The following AHNAK2 variants were observed in gnomAD, a reference collection of about 807,000 sequenced individuals.
AHNAK2 encodes the protein AHNAK nucleoprotein 2.
A neutral mutation model predicts 30.7 loss-of-function variants in AHNAK2; 18 were observed. The ratio of observed to expected loss-of-function variants is 0.59; its 90% CI spans 0.41 to 0.87. The LOEUF (loss-of-function observed/expected upper bound fraction) is 0.87, where lower values mean the gene tolerates loss of function less well. Among genes scored for constraint, AHNAK2 ranks in the 40% least tolerant of loss-of-function variants. The pLI is 0.00. For synonymous variants in AHNAK2, 3,590 were observed against 3,073.8 expected (o/e 1.17, Z -5.56); for missense variants, 8,604 against 7,373.0 (o/e 1.17, Z -6.11).
chr14:104,973,674 G>A (rs1015688203), intron 1 of AHNAK2, among the ~76,000 whole-genome samples: 12 of 152,198 alleles, frequency 7.9e-5, no homozygotes, highest in Admixed American at 2.6e-4. Context: ...GCAGCGTCCA[G>A]GCAGGGGTGT....
Position 104,951,973 on chromosome 14 carries a change from C to A in AHNAK2, c.3478G>T (p.Asp1160Tyr), listed in dbSNP as rs1246389240. 1.2e-6 allele frequency: 2 copies of A among 1,612,252 alleles called. No individual in the cohort carries two copies. The highest frequency in any genetic ancestry group is 2.7e-5 in the African/African-American group (2 of 74,214). The change falls in exon 7 of 7, where the codon GAC becomes TAC. Residue 1160 changes from aspartate to tyrosine, a missense_variant. Asp to Tyr is a radical substitution (Grantham distance 160). Coordinates refer to ENST00000333244, the MANE Select transcript of AHNAK2 (RefSeq NM_138420.4). ...SLADKDVTAK[D>Y]SRFKMPKFKM... ...AACTTGGGCATTTTGAACCTGCTGT[C>A]TTTGGCAGTCACATCCTTGTCGGCC...
In AHNAK2 at chr14:104,941,338, TAAA is replaced by T; in HGVS notation, c.14110_14112del (p.Phe4704del). On this transcript the variant is annotated inframe_deletion, in exon 7 of 7. Coordinates refer to ENST00000333244, the MANE Select transcript of AHNAK2 (RefSeq NM_138420.4). ...GAAGAAAATGAAACTTTGGGCACTTTAAAATGCAGTTTCTTAAACTTCGAATCC... is the reference window on the plus strand; with the variant it reads ...GAAGAAAATGAAACTTTGGGCACTTTATGCAGTTTCTTAAACTTCGAATCC... 1 of 1,613,580 alleles carries T rather than the reference TAAA, an allele frequency of 6.2e-7. No individual in the cohort carries two copies. Among genetic ancestry groups the T allele is most frequent in the African/African-American group, 1.3e-5 (1 of 75,050 alleles).
At chr14:104,956,779 C>CTGAAGGGAGGGCT in intron 3 of AHNAK2, 90 bp from the exon 4 acceptor site, 1 of 1,254,664 alleles carries the variant, frequency 8.0e-7, no homozygotes, top group Non-Finnish European at 1.2e-6. Flanking sequence ...CAGGAGCCCT[C>CTGAAGGGAGGGCT]CCTTCAGAGG....
At chr14:104,977,610 C>G (rs1165817968) in intron 1 of AHNAK2, among the ~76,000 whole-genome samples, 1 of 152,178 alleles carries the variant, frequency 6.6e-6, no homozygotes, top group Admixed American at 6.5e-5. Context: ...CACAGCCACA[C>G]AGTAGACGCA....
chr14:104,942,619 C>G lies in AHNAK2; in HGVS notation c.12832G>C (p.Val4278Leu), dbSNP rs576687918. The stretch of plus-strand genomic sequence containing the variant: ...AGGGACAGGTCACCCTCCAGCCGCA[C>G]ACTGTCCAGCTTGGCTCCCGGGGCC... ...VEAPGAKLDSVRLEGDLSLAD... is the reference protein window; with the variant it reads ...VEAPGAKLDSLRLEGDLSLAD... Residue 4278 changes from valine to leucine, a missense_variant, in exon 7 of 7, where the codon GTG becomes CTG. Physicochemically the swap from Val to Leu is conservative, Grantham distance 32 (BLOSUM62 1). Coordinates refer to ENST00000333244, the MANE Select transcript of AHNAK2 (RefSeq NM_138420.4). 47 of 1,611,634 alleles carry G rather than the reference C, an allele frequency of 2.9e-5. No homozygotes were observed. The South Asian group carries it at 4.6e-4, about 16-fold the overall frequency.
Position 104,939,521 on chromosome 14 carries a change from C to A in AHNAK2, c.15930G>T (p.Met5310Ile). Residue 5310 changes from methionine (M) to isoleucine (I), a missense_variant, in exon 7 of 7, where the codon ATG (methionine) becomes ATT (isoleucine). Met to Ile is a conservative substitution (Grantham distance 10). Transcript: ENST00000333244. ...GGGTTTCTGGAAGCCTCATGCCAGG[C>A]ATCTGAAAAGGGAGAGGTCCTTTGG... ...HPSKGPLPFQ[M>I]PGMRLPETQV... 3.7e-6 allele frequency: 6 copies of A among 1,613,778 alleles called. No homozygotes were observed. The highest frequency in any genetic ancestry group is 5.1e-6 in the Non-Finnish European group (6 of 1,179,878).
Position 104,978,185 on chromosome 14 carries a change from C to T in AHNAK2, c.53G>A (p.Ser18Asn). Residue 18 changes from serine (S) to asparagine (N), a missense_variant and splice_region_variant, in exon 1 of 7, where the codon AGC becomes AAC. Transcript: ENST00000333244. ...VLPTWPGTPG[S>N]VSGRQLQPGE... Reference sequence around the variant, plus strand: ...GCTGCAGGCGGGGAGGGGCGCACCGCTGCCGGGGGTTCCGGGCCAGGTGGG... The same window carrying T: ...GCTGCAGGCGGGGAGGGGCGCACCGTTGCCGGGGGTTCCGGGCCAGGTGGG... The T allele has an allele frequency of 8.2e-7, 1 of 1,213,770 alleles. No homozygotes were observed. The highest frequency in any genetic ancestry group is 1.6e-5 in the African/African-American group (1 of 63,752). 75.2% of individuals were successfully genotyped at this position (1,213,770 alleles called of 1,614,324 possible).
In AHNAK2 at chr14:104,944,684, C is replaced by A; in HGVS notation, c.10767G>T (p.Lys3589Asn). The A allele has an allele frequency of 6.2e-7, 1 of 1,613,008 alleles. No homozygotes were observed. The highest frequency in any genetic ancestry group is 8.5e-7 in the Non-Finnish European group (1 of 1,179,628). ...KGPKLDLKGP[K>N]AEVRVPDVEV... ...CGACATCGGGGACTCTCACTTCTGC[C>A]TTGGGGCCTTTCAGGTCCAGCTTGG... is the stretch of plus-strand genomic sequence containing the variant. Residue 3589 changes from lysine (K) to asparagine (N), a missense_variant, in exon 7 of 7, where the codon AAG becomes AAT. Physicochemically the swap from Lys to Asn is moderately conservative, Grantham distance 94. Coordinates refer to ENST00000333244, the MANE Select transcript of AHNAK2 (RefSeq NM_138420.4).
At chr14:104,970,617 TC>T in intron 1 of AHNAK2, 1 of 721,014 alleles carries the variant, frequency 1.4e-6, no homozygotes, top group Non-Finnish European at 1.7e-6. Flanking sequence ...GACCCCCACA[TC>T]CCACCAGAGG....
chr14:104,946,843 G>T lies in AHNAK2; in HGVS notation c.8608C>A (p.Leu2870Met). ...DIRIQPPSAQ[L>M]EVQAGQVDVK... ...TCCACCTGGCCAGCCTGGACCTCCA[G>T]TTGGGCGGAGGGGGGCTGAATGCGG... Residue 2870 changes from leucine (L) to methionine (M), a missense_variant, in exon 7 of 7, where the codon CTG becomes ATG. Coordinates refer to ENST00000333244, the MANE Select transcript of AHNAK2 (RefSeq NM_138420.4). The T allele has an allele frequency of 6.2e-7, 1 of 1,612,734 alleles. No individual in the cohort carries two copies. The highest frequency in any genetic ancestry group is 1.3e-5 in the African/African-American group (1 of 74,508).
rs781439161 is a variant in AHNAK2 at position 104,944,329 on chromosome 14, C to A, written c.11122G>T (p.Glu3708Ter). ...QAGQMDVKLP[E>*]GQVPEGAGLK... ...CCGGCTCCCTCGGGCACCTGGCCCT[C>A]CGGGAGCTTCACATCCATCTGGCCA... Residue 3708 changes from glutamate to a stop codon, truncating the protein, a stop_gained, in exon 7 of 7, where the codon GAG becomes TAG. Transcript: ENST00000333244. LOFTEE classifies it low-confidence loss of function (END_TRUNC). 1.9e-5 allele frequency: 30 copies of A among 1,612,692 alleles called. No homozygotes were observed. Among genetic ancestry groups the A allele is most frequent in the Admixed American group, 3.3e-5 (2 of 59,924 alleles).
At chr14:104,977,640 C>A (rs982734003) in intron 1 of AHNAK2, among the ~76,000 whole-genome samples, 3 of 152,194 alleles carry the variant, frequency 2.0e-5, no homozygotes, top group Non-Finnish European at 2.9e-5. Flanking sequence ...TGCCTGGAAG[C>A]CCCGGACCAA....
rs1897864910 is a variant in AHNAK2 at position 104,938,140 on chromosome 14, C to T, written c.17311G>A (p.Glu5771Lys). ...CTGTCCTGCTCGGGCAGGATTAACT[C>T]TGTTCTTGCCGCGGATGTCACCATC... ...RVMVTSAART[E>K]LILPEQDRKA... The change falls in exon 7 of 7, where the codon GAG (glutamate) becomes AAG (lysine). Residue 5771 changes from glutamate to lysine, a missense_variant. Physicochemically the swap from Glu to Lys is moderately conservative, Grantham distance 56 (BLOSUM62 1). Transcript: ENST00000333244. 3.1e-6 allele frequency: 5 copies of T among 1,614,020 alleles called. No individual in the cohort carries two copies. Among genetic ancestry groups the T allele is most frequent in the Non-Finnish European group, 4.2e-6 (5 of 1,179,898 alleles).
chr14:104,958,046 C>T (rs575584548), intron 1 of AHNAK2, among the ~76,000 whole-genome samples: 3 of 152,220 alleles, frequency 2.0e-5, no homozygotes, highest in Non-Finnish European at 2.9e-5. Context: ...ACAAGTTACG[C>T]GAAGAAACAA....
At chr14:104,956,255 C>T (rs1022333735) in intron 4 of AHNAK2, among the ~76,000 whole-genome samples, 4 of 152,168 alleles carry the variant, frequency 2.6e-5, no homozygotes, top group Non-Finnish European at 4.4e-5. Context: ...TTCAGCCCCA[C>T]AGCTTGAATA....
In AHNAK2 at chr14:104,951,061, C is replaced by G. The variant is rs558434835; in HGVS notation, c.4390G>C (p.Glu1464Gln). ...VSLPSVEVDV[E>Q]APGAKLDGGR... ...CCATCCAGCTTGGCTCCTGGGGCCT[C>G]GACATCCACCTCCACGCTGGGCAGA... The change falls in exon 7 of 7, where the codon GAG becomes CAG. Residue 1464 changes from glutamate (E) to glutamine (Q), a missense_variant. By Grantham distance (29) the Glu-to-Gln change is conservative. Transcript: ENST00000333244. 6.0e-5 allele frequency: 64 copies of G among 1,060,414 alleles called. 13 individuals are homozygous for G. The African/African-American group carries it at 6.7e-4, about 11-fold the overall frequency. The allele number at this position is 1,060,414 out of a possible 1,614,324, so 65.7% of individuals were successfully genotyped here.
chr14:104,941,020 C>T lies in AHNAK2; in HGVS notation c.14431G>A (p.Glu4811Lys). The change falls in exon 7 of 7, where the codon GAA becomes AAA. Residue 4811 changes from glutamate to lysine, a missense_variant. Transcript: ENST00000333244. ...RAALAPELAL[E>K]IPSGSQADIP... ...TCAGCCTGAGACCCAGAAGGAATTT[C>T]CAGAGCAAGCTCAGGGGCCAAGGCA... 1 of 1,613,464 alleles carries T rather than the reference C, an allele frequency of 6.2e-7. No individual in the cohort carries two copies. Among genetic ancestry groups the T allele is most frequent in the Non-Finnish European group, 8.5e-7 (1 of 1,179,890 alleles).
chr14:104,952,543 C>T lies in AHNAK2; in HGVS notation c.2908G>A (p.Ala970Thr). Residue 970 changes from alanine (A) to threonine (T), a missense_variant, in exon 7 of 7, where the codon GCC becomes ACC. By Grantham distance (58) the Ala-to-Thr change is moderately conservative. Coordinates refer to ENST00000333244, the MANE Select transcript of AHNAK2 (RefSeq NM_138420.4). ...SLPSMEVDVQ[A>T]QKAKLDGAWL... ...GCACCATCCAGCTTGGCCTTCTGGG[C>T]CTGGACATCCACCTCCATGCTGGGC... The T allele has an allele frequency of 6.2e-7, 1 of 1,612,874 alleles. No homozygotes were observed. The highest frequency in any genetic ancestry group is 2.2e-5 in the East Asian group (1 of 44,720).
At position 104,953,285 on chromosome 14, in the gene AHNAK2, G is replaced by C. The variant is rs554058247; in HGVS notation, c.2166C>G (p.Asp722Glu). Reference protein sequence around the residue: ...LSMQGDLKTTDLSVQTPSADL... With the variant: ...LSMQGDLKTTELSVQTPSADL... The stretch of plus-strand genomic sequence containing the variant: ...CAGCGGAAGGGGTCTGGACGCTGAG[G>C]TCAGTGGTCTTGAGGTCCCCCTGCA... The change falls in exon 7 of 7, where the codon GAC becomes GAG. Residue 722 changes from aspartate to glutamate, a missense_variant. By Grantham distance (45) the Asp-to-Glu change is conservative. Coordinates refer to ENST00000333244, the MANE Select transcript of AHNAK2 (RefSeq NM_138420.4). 1.2e-5 allele frequency: 20 copies of C among 1,612,856 alleles called. No individual in the cohort carries two copies. In the African/African-American group the frequency reaches 2.7e-4, roughly 22 times the overall value.
Sources: allele counts gnomAD v4.1 joint callset (sites outside exome capture counted in the v4.1 genomes callset), GRCh38; gene constraint gnomAD v4.1.1; transcripts MANE v1.5; gene names NCBI Gene and HGNC (gene_info 2026-07-23, HGNC 2026-07-21).